Variants in ITIH5 observed in about 807,000 individuals in gnomAD.
ITIH5 encodes inter-alpha-trypsin inhibitor heavy chain H5.
In ITIH5, 65 loss-of-function variants were observed where a neutral mutation model predicts 77.5. The ratio of observed to expected loss-of-function variants is 0.84; its 90% CI spans 0.69 to 1.03. The LOEUF is 1.03. Ranked by LOEUF, ITIH5 falls within the 50% of genes least tolerant of loss-of-function variation. The pLI is 0.00. For synonymous variants in ITIH5, 525 were observed against 494.3 expected (o/e 1.06, Z -0.82); for missense variants, 1,208 against 1,213.1 (o/e 1.00, Z 0.06).
chr10:7,588,137 A>C (rs10905195), intron 7 of ITIH5, among the ~76,000 whole-genome samples: 1 of 152,076 alleles, frequency 6.6e-6, no homozygotes, highest in Non-Finnish European at 1.5e-5. Context: ...TAATCCCAAC[A>C]CTTTGGGAGG....
In ITIH5 at chr10:7,576,594, G is replaced by T. The variant is rs143458484; in HGVS notation, c.1837C>A (p.Arg613Ser). 3 of 1,614,038 alleles carry T rather than the reference G, an allele frequency of 1.9e-6. No homozygotes were observed. The highest frequency in any genetic ancestry group is 2.5e-6 in the Non-Finnish European group (3 of 1,180,038). Residue 613 changes from arginine to serine, a missense_variant, in exon 10 of 14, where the codon CGC becomes AGC. Coordinates refer to ENST00000397146, the MANE Select transcript of ITIH5 (RefSeq NM_030569.7). ...ATGGAGGTGAAGGGAGTGAGGAAGC[G>T]GTAGCTCACAGCCAGGGCCTGGGCC... ...QRAQALAVSY[R>S]FLTPFTSMKL...
At chr10:7,606,094 ATTT>A (rs1245056853) in intron 7 of ITIH5, among the ~76,000 whole-genome samples, 5 of 152,192 alleles carry the variant, frequency 3.3e-5, no homozygotes, top group Non-Finnish European at 7.3e-5. Flanking sequence ...ACATGACCTC[ATTT>A]TATAACAGAT....
chr10:7,617,860 A>G (rs995664425), intron 5 of ITIH5: 1 of 152,212 alleles, frequency 6.6e-6, no homozygotes, highest in Admixed American at 6.5e-5. Context: ...AGAGTCCCCA[A>G]TCACATTCCA....
intron 2 of ITIH5, among the ~76,000 whole-genome samples, chr10:7,648,028 A>T (rs546740189): frequency 6.6e-6 from 1 of 151,932 alleles, no homozygotes; most frequent in African/African-American, 2.4e-5. Flanking sequence ...TGGATCACGA[A>T]GTCAGGAGAT....
In ITIH5 at chr10:7,637,553, G is replaced by C. The variant is rs550554934; in HGVS notation, c.402-75C>G. 170 of 1,465,002 alleles carry C rather than the reference G, an allele frequency of 1.2e-4. No homozygotes were observed. The Admixed American group carries it at 1.3e-3, about 12-fold the overall frequency. The allele number at this position is 1,465,002 out of a possible 1,614,324, so 90.8% of individuals were successfully genotyped here. The stretch of plus-strand genomic sequence containing the variant: ...GCCAGGTTCCCTCAGTCCCCACAGG[G>C]CACCAGCCATACCCTCTCAACCAGC... On this transcript the variant is annotated intron_variant, in intron 4 of 13. Coordinates refer to ENST00000397146, the MANE Select transcript of ITIH5 (RefSeq NM_030569.7).
intron 4 of ITIH5, 95 bp from the exon 5 acceptor site, chr10:7,637,573 AC>A: frequency 7.9e-7 from 1 of 1,265,312 alleles, no homozygotes; most frequent in Non-Finnish European, 1.1e-6. Context: ...TACCCTCTCA[AC>A]CAGCCTGCCA....
chr10:7,597,071 CAAAGA>C (rs1832918528), intron 7 of ITIH5, among the ~76,000 whole-genome samples: 1 of 55,200 alleles, frequency 1.8e-5, no homozygotes, highest in Non-Finnish European at 5.5e-5. Flanking sequence ...AAAATTCCAC[CAAAGA>C]AATCAAAGAC....
chr10:7,615,803 G>A (rs1410297592), intron 7 of ITIH5, among the ~76,000 whole-genome samples, 179 bp downstream of exon 7: 4 of 152,152 alleles, frequency 2.6e-5, no homozygotes, highest in African/African-American at 7.2e-5. Context: ...AAACCACCAC[G>A]CTGAAATACA....
intron 7 of ITIH5, among the ~76,000 whole-genome samples, chr10:7,591,173 G>A (rs1832787316): frequency 6.6e-6 from 1 of 152,220 alleles, no homozygotes; most frequent in African/African-American, 2.4e-5. Flanking sequence ...GGGATTACAG[G>A]CGTGAGCCAC....
intron 5 of ITIH5, among the ~76,000 whole-genome samples, chr10:7,629,521 G>GTGTTGTAGCGTGTGTCCC (rs750669506): frequency 1.1e-5 from 1 of 87,240 alleles, no homozygotes; most frequent in Admixed American, 1.1e-4. Context: ...GCGTGTGTCC[G>GTGTTGTAGCGTGTGTCCC]TGTTGCAGCG....
At position 7,563,108 on chromosome 10, in the gene ITIH5, C is replaced by A. The variant is rs1832069851; in HGVS notation, c.2804G>T (p.Gly935Val). The change falls in exon 14 of 14, where the codon GGC (glycine) becomes GTC (valine). Residue 935 changes from glycine (G) to valine (V), a missense_variant. Transcript: ENST00000397146. ...TCAGAGCTCCCTGGACATTCCCCGG[C>A]CAAGTGTCATCCCTGTGTCAAATGG... ...SHPFDTGMTL[G>V]RGMSREL 10 of 1,610,338 alleles carry A rather than the reference C, an allele frequency of 6.2e-6. No individual in the cohort carries two copies. Among genetic ancestry groups the A allele is most frequent in the Non-Finnish European group, 8.5e-6 (10 of 1,179,828 alleles).
At chr10:7,616,554 G>A (rs560887241) in intron 6 of ITIH5, among the ~76,000 whole-genome samples, 4 of 152,284 alleles carry the variant, frequency 2.6e-5, no homozygotes, top group African/African-American at 4.8e-5. Flanking sequence ...TGGACCAAGC[G>A]CGGTGGCTCA....
At chr10:7,568,257 C>T (rs1425292531) in intron 12 of ITIH5, among the ~76,000 whole-genome samples, 1 of 152,140 alleles carries the variant, frequency 6.6e-6, no homozygotes, top group Admixed American at 6.5e-5. Flanking sequence ...GAACAATCTT[C>T]CCAGTAATCT....
chr10:7,649,610 G>A (rs1834064570), intron 2 of ITIH5, among the ~76,000 whole-genome samples: 1 of 152,110 alleles, frequency 6.6e-6, no homozygotes, highest in South Asian at 2.1e-4. Flanking sequence ...AATCAGTGAG[G>A]TCTGCAAAAG....
In ITIH5 at chr10:7,579,793, G is replaced by A. The variant is rs545560919; in HGVS notation, c.1380C>T (p.Arg460=). Residue 460 remains arginine (R), a synonymous_variant, in exon 9 of 14, where the codon CGC becomes CGT. Coordinates refer to ENST00000397146, the MANE Select transcript of ITIH5 (RefSeq NM_030569.7). ...LSLENCGLTR[R]VHEEEDAGSQ... ...AGCCTGCGTCCTCCTCCTCGTGCACGCGCCGTGTGAGGCCACAGTTCTCCA... is the reference window on the plus strand; with the variant it reads ...AGCCTGCGTCCTCCTCCTCGTGCACACGCCGTGTGAGGCCACAGTTCTCCA... 11 of 1,614,084 alleles carry A rather than the reference G, an allele frequency of 6.8e-6. No individual in the cohort carries two copies. Among genetic ancestry groups the A allele is most frequent in the East Asian group, 4.5e-5 (2 of 44,868 alleles).
intron 4 of ITIH5, among the ~76,000 whole-genome samples, chr10:7,638,941 A>C: frequency 6.6e-6 from 1 of 152,202 alleles, no homozygotes; most frequent in East Asian, 1.9e-4. Flanking sequence ...TTAAATCATA[A>C]CATATTTTAA....
chr10:7,587,188 G>GT (rs1832696827), intron 7 of ITIH5, among the ~76,000 whole-genome samples: 1 of 152,304 alleles, frequency 6.6e-6, no homozygotes, highest in Admixed American at 6.5e-5. Flanking sequence ...AGTAATACAG[G>GT]TGAGATCAGG....
At chr10:7,647,426 C>T (rs1483795920) in intron 2 of ITIH5, among the ~76,000 whole-genome samples, 6 of 152,244 alleles carry the variant, frequency 3.9e-5, no homozygotes, top group African/African-American at 1.2e-4. Flanking sequence ...CATCTGCCAA[C>T]TGAACACCCC....
chr10:7,560,189 G>T lies in ITIH5; in HGVS notation c.*2894C>A. 1 of 173,254 alleles carries T rather than the reference G, an allele frequency of 5.8e-6. No homozygotes were observed. Among genetic ancestry groups the T allele is most frequent in the Non-Finnish European group, 1.2e-5 (1 of 82,256 alleles). The allele number at this position is 173,254 out of a possible 1,614,324, so 10.7% of individuals were successfully genotyped here. On this transcript the variant is annotated 3_prime_UTR_variant, in exon 14 of 14. Transcript: ENST00000397146. ...ATAAGGGCCTTAATCCCATTCGTGA[G>T]GGCTCTGCCCTCAAGACCCAATAAC...
Sources: allele counts gnomAD v4.1 joint callset (sites outside exome capture counted in the v4.1 genomes callset), GRCh38; gene constraint gnomAD v4.1.1; transcripts MANE v1.5; gene names NCBI Gene and HGNC (gene_info 2026-07-23, HGNC 2026-07-21).